The following CADM2 variants were observed in gnomAD, a reference collection of about 807,000 sequenced individuals.
CADM2 encodes immunoglobulin superfamily member 4D.
In CADM2, 12 loss-of-function variants were observed where a neutral mutation model predicts 49.8. That is an observed-to-expected ratio of 0.24 (90% CI 0.15 to 0.39). The LOEUF (loss-of-function observed/expected upper bound fraction) is 0.39, where lower values mean the gene tolerates loss of function less well. Ranked by LOEUF, CADM2 falls within the 10% of genes least tolerant of loss-of-function variation. The probability of loss-of-function intolerance (pLI) is 1.00; values close to 1 mark genes in which losing one functional copy is unlikely to be tolerated. For synonymous variants in CADM2, 214 were observed against 175.4 expected, an observed-to-expected ratio of 1.22 and a Z score of -1.74; for missense variants, 378 against 492.3, an observed-to-expected ratio of 0.77 and a Z score of 2.20.
chr3:86,013,879 T>C, intron 8 of CADM2: 1 of 1,595,944 alleles, frequency 6.3e-7, no homozygotes, highest in South Asian at 1.1e-5. Flanking sequence ...GCTTCTAGAC[T>C]TTTAGAAAAA....
intron 1 of CADM2, among the ~76,000 whole-genome samples, chr3:85,061,358 A>ATG (rs2036309373): frequency 6.6e-6 from 1 of 152,176 alleles, no homozygotes; most frequent in East Asian, 1.9e-4. Flanking sequence ...AATTATATAT[A>ATG]AATTACACCA....
intron 8 of CADM2, chr3:86,012,725 C>A: frequency 7.8e-6 from 7 of 901,036 alleles, no homozygotes; most frequent in Non-Finnish European, 1.1e-5. Context: ...CGCGTTGACT[C>A]ACGCCTGTAA....
At chr3:85,996,230 T>A (rs1577897595) in intron 8 of CADM2, among the ~76,000 whole-genome samples, 1 of 150,878 alleles carries the variant, frequency 6.6e-6, no homozygotes, top group East Asian at 1.9e-4. Flanking sequence ...CCACTAAGAA[T>A]CATTACTTAT....
At chr3:86,012,929 C>A in intron 8 of CADM2, 1 of 633,508 alleles carries the variant, frequency 1.6e-6, no homozygotes, top group Non-Finnish European at 2.9e-6. Context: ...GAGCCGAGAT[C>A]GCGCCACTGC....
In CADM2 at chr3:85,292,959, TAG is replaced by T. The variant is rs544189942; in HGVS notation, c.61+333295_61+333296del. Among the ~76,000 whole-genome samples the T allele has an allele frequency of 5.0e-3, 756 of 151,706 alleles. 6 individuals are homozygous for T. The highest frequency in any genetic ancestry group is 7.6e-3 in the Non-Finnish European group (516 of 67,924). The stretch of plus-strand genomic sequence containing the variant: ...AAAATCAGAGCAGAACTGAAGGAAA[TAG>T]AGACACAAAAAGCCCTTCAAAAAAT... On this transcript the variant is annotated intron_variant, in intron 1 of 9. Transcript: ENST00000383699.
intron 1 of CADM2, among the ~76,000 whole-genome samples, chr3:84,963,497 T>C (rs1472708218): frequency 6.6e-6 from 1 of 152,214 alleles, no homozygotes; most frequent in Non-Finnish European, 1.5e-5. Context: ...GAGAACTGTG[T>C]TTACTTTTTG....
intron 5 of CADM2, among the ~76,000 whole-genome samples, chr3:85,894,974 G>A (rs955269487): frequency 3.9e-5 from 6 of 152,210 alleles, no homozygotes; most frequent in Non-Finnish European, 5.9e-5. Flanking sequence ...TTCTGCTAGG[G>A]CAATGTGGAA....
intron 1 of CADM2, among the ~76,000 whole-genome samples, chr3:85,084,005 G>A (rs1037803985): frequency 1.3e-5 from 2 of 152,108 alleles, no homozygotes; most frequent in South Asian, 2.1e-4. Context: ...ATGCAATGAA[G>A]TACCCAATTA....
intron 1 of CADM2, among the ~76,000 whole-genome samples, chr3:85,513,558 A>G (rs2060823640): frequency 1.3e-5 from 2 of 152,062 alleles, no homozygotes. Flanking sequence ...TGTAAACCAA[A>G]GAAATAAAAA....
At chr3:85,621,506 A>G (rs1224628499) in intron 1 of CADM2, among the ~76,000 whole-genome samples, 2 of 152,152 alleles carry the variant, frequency 1.3e-5, no homozygotes, top group Admixed American at 1.3e-4. Context: ...TGCCTAGTAC[A>G]TATAATAGAA....
At chr3:86,002,121 T>C (rs1263447060) in intron 8 of CADM2, among the ~76,000 whole-genome samples, 2 of 152,062 alleles carry the variant, frequency 1.3e-5, no homozygotes, top group Non-Finnish European at 2.9e-5. Flanking sequence ...GATGTCAAAG[T>C]AGCTGGGATT....
At chr3:85,510,798 C>G (rs1034755743) in intron 1 of CADM2, among the ~76,000 whole-genome samples, 1 of 151,892 alleles carries the variant, frequency 6.6e-6, no homozygotes, top group Non-Finnish European at 1.5e-5. Context: ...AATTGAGTTT[C>G]TACTTCATAT....
intron 2 of CADM2, among the ~76,000 whole-genome samples, chr3:85,774,655 T>A (rs780939936): frequency 3.3e-5 from 5 of 151,728 alleles, no homozygotes; most frequent in Non-Finnish European, 5.9e-5. Flanking sequence ...TTAGAAAAAT[T>A]GTGGTTTTCT....
intron 1 of CADM2, among the ~76,000 whole-genome samples, chr3:85,223,094 A>G (rs546327654): frequency 1.3e-5 from 2 of 152,290 alleles, no homozygotes; most frequent in East Asian, 1.9e-4. Context: ...CTGGCACTCA[A>G]TAAATGACAG....
intron 1 of CADM2, among the ~76,000 whole-genome samples, chr3:85,204,629 A>G (rs778980673): frequency 1.3e-5 from 2 of 152,130 alleles, no homozygotes; most frequent in African/African-American, 4.8e-5. Context: ...AAAAATTTCC[A>G]TCTATCACAG....
rs139026324 is a variant in CADM2 at position 85,027,231 on chromosome 3, C to T, written c.61+67563C>T. On this transcript the variant is annotated intron_variant, in intron 1 of 9. Transcript: ENST00000383699. ...CCGGGTTTAAGCGATTCTCCTGCCT[C>T]AGCCTCCTGAGTAGTTAGGACGTCA... Among the ~76,000 whole-genome samples the T allele has an allele frequency of 2.8e-4, 42 of 148,972 alleles. No individual in the cohort carries two copies. The East Asian group carries it at 7.7e-3, about 27-fold the overall frequency.
At chr3:85,301,131 C>T (rs531658027) in intron 1 of CADM2, among the ~76,000 whole-genome samples, 33 of 152,086 alleles carry the variant, frequency 2.2e-4, no homozygotes, top group Non-Finnish European at 3.8e-4. Context: ...GAAAATACAA[C>T]GTAGCCTAGA....
chr3:85,129,160 A>C (rs1317255120), intron 1 of CADM2, among the ~76,000 whole-genome samples: 5 of 152,254 alleles, frequency 3.3e-5, no homozygotes, highest in Non-Finnish European at 7.4e-5. Flanking sequence ...AAGGAAGATT[A>C]AGTTAAAGTA....
chr3:85,835,194 C>G (rs1347006605), intron 3 of CADM2, among the ~76,000 whole-genome samples: 1 of 151,382 alleles, frequency 6.6e-6, no homozygotes, highest in Non-Finnish European at 1.5e-5. Context: ...GTTGCCTTTC[C>G]TTTTTCCTCA....
Sources: allele counts gnomAD v4.1 joint callset (sites outside exome capture counted in the v4.1 genomes callset), GRCh38; gene constraint gnomAD v4.1.1; transcripts MANE v1.5; gene names NCBI Gene and HGNC (gene_info 2026-07-23, HGNC 2026-07-21).